USP46: variants seen among roughly 807,000 people sequenced by gnomAD.
USP46 encodes the protein ubiquitin specific peptidase 46.
Under a neutral mutation model 44.4 loss-of-function variants are expected in USP46, and 12 were observed. The observed-to-expected ratio is 0.27, with a 90% CI of 0.17 to 0.44. USP46 has a LOEUF of 0.44. Ranked by LOEUF, USP46 falls within the 20% of genes least tolerant of loss-of-function variation. The pLI, the probability that USP46 is intolerant of heterozygous loss-of-function variation, is 1.00. For missense variants in USP46, 248 were observed against 444.8 expected (o/e 0.56, Z 3.98); for synonymous variants, 155 against 161.5 (o/e 0.96, Z 0.31).
intron 6 of USP46, 71 bp from the exon 7 acceptor site, chr4:52,602,125 G>A: frequency 6.7e-7 from 1 of 1,495,230 alleles, no homozygotes; most frequent in Non-Finnish European, 9.0e-7. Context: ...ACTGTCATCT[G>A]CACAAACAGA....
At chr4:52,620,501 G>A (rs1717336380) in intron 4 of USP46, among the ~76,000 whole-genome samples, 1 of 152,152 alleles carries the variant, frequency 6.6e-6, no homozygotes, top group Non-Finnish European at 1.5e-5. Context: ...GAAAGGCAGG[G>A]CTCTCACTGT....
chr4:52,629,303 A>T (rs1717716307), intron 2 of USP46, among the ~76,000 whole-genome samples: 1 of 152,240 alleles, frequency 6.6e-6, no homozygotes, highest in Non-Finnish European at 1.5e-5. Flanking sequence ...TTGTACAGAG[A>T]AGCTGGAACT....
rs577819163 is a variant in USP46 at position 52,592,054 on chromosome 4, C to G, written c.*5586G>C. The G allele has an allele frequency of 1.3e-5, 2 of 152,290 alleles. No homozygotes were observed. The highest frequency in any genetic ancestry group is 3.9e-4 in the East Asian group (2 of 5,194). 9.4% of individuals were successfully genotyped at this position (152,290 alleles called of 1,614,324 possible). On this transcript the variant is annotated 3_prime_UTR_variant, in exon 9 of 9. Transcript: ENST00000441222. ...AAAAAGATGGTGTGGCTTCATCCAA[C>G]AGTGCCATCTGCATGTTGAGGCTGG... is the stretch of plus-strand genomic sequence containing the variant.
intron 1 of USP46, among the ~76,000 whole-genome samples, chr4:52,640,920 G>C (rs1001185842): frequency 6.6e-6 from 1 of 151,086 alleles, no homozygotes; most frequent in African/African-American, 2.4e-5. Context: ...AGCTGTATTT[G>C]GCCATTTTTT....
At chr4:52,609,545 C>T (rs955658362) in intron 5 of USP46, among the ~76,000 whole-genome samples, 1 of 152,158 alleles carries the variant, frequency 6.6e-6, no homozygotes, top group Non-Finnish European at 1.5e-5. Context: ...CGTCCTTCTC[C>T]CATCACGGAA....
chr4:52,621,287 T>C (rs1717366144), intron 4 of USP46, among the ~76,000 whole-genome samples: 1 of 152,098 alleles, frequency 6.6e-6, no homozygotes, highest in Admixed American at 6.6e-5. Flanking sequence ...GATCTCACAA[T>C]CCAACAATGT....
In USP46 at chr4:52,646,397, T is replaced by C. The variant is rs1718551686; in HGVS notation, c.36+12718A>G. Among the ~76,000 whole-genome samples the C allele has an allele frequency of 2.0e-5, 3 of 152,256 alleles. No homozygotes were observed. The South Asian group carries it at 6.2e-4, about 32-fold the overall frequency. ...AAATGTAAAATATAAAATTCTGGGC[T>C]CTCTCCTCCCATCCTCAAATAGAGT... On this transcript the variant is annotated intron_variant, in intron 1 of 8. Coordinates refer to ENST00000441222, the MANE Select transcript of USP46 (RefSeq NM_022832.4).
intron 4 of USP46, among the ~76,000 whole-genome samples, chr4:52,612,428 C>A (rs924628371): frequency 2.0e-5 from 3 of 152,214 alleles, no homozygotes; most frequent in African/African-American, 7.2e-5. Context: ...CAGATACTCT[C>A]ATCAAGAGGT....
intron 4 of USP46, 72 bp downstream of exon 4, chr4:52,625,946 T>A: frequency 7.2e-7 from 1 of 1,386,986 alleles, no homozygotes; most frequent in Non-Finnish European, 1.0e-6. Context: ...TAATACGACA[T>A]TGCAATCACA....
At chr4:52,621,313 C>T (rs1390519002) in intron 4 of USP46, among the ~76,000 whole-genome samples, 1 of 152,016 alleles carries the variant, frequency 6.6e-6, no homozygotes, top group South Asian at 2.1e-4. Flanking sequence ...AAAGATAAAG[C>T]CCCAATTCAG....
intron 7 of USP46, 110 bp downstream of exon 7, chr4:52,601,747 T>C: frequency 8.6e-7 from 1 of 1,157,498 alleles, no homozygotes; most frequent in Non-Finnish European, 1.2e-6. Flanking sequence ...TTGGCAGAGA[T>C]CCCAAAACTA....
At chr4:52,633,673 A>T (rs992216555) in intron 1 of USP46, among the ~76,000 whole-genome samples, 1 of 152,206 alleles carries the variant, frequency 6.6e-6, no homozygotes, top group Non-Finnish European at 1.5e-5. Context: ...ATCTTTCTTT[A>T]TGATGTAGGA....
chr4:52,632,869 CAG>C (rs1247924933), intron 1 of USP46, among the ~76,000 whole-genome samples: 1 of 125,800 alleles, frequency 7.9e-6, no homozygotes, highest in Non-Finnish European at 1.7e-5. Flanking sequence ...GAAGACAAGA[CAG>C]AGAAAGAAAA....
chr4:52,639,702 G>T (rs1019460390), intron 1 of USP46, among the ~76,000 whole-genome samples: 2 of 151,846 alleles, frequency 1.3e-5, no homozygotes, highest in African/African-American at 4.8e-5. Context: ...AATGAAAAGT[G>T]AATTTTTTTT....
chr4:52,636,026 A>C (rs1201787920), intron 1 of USP46, among the ~76,000 whole-genome samples: 1 of 152,154 alleles, frequency 6.6e-6, no homozygotes, highest in Non-Finnish European at 1.5e-5. Flanking sequence ...AAAATACATG[A>C]CCTGACATGG....
At chr4:52,640,413 A>G (rs1355641231) in intron 1 of USP46, among the ~76,000 whole-genome samples, 1 of 152,210 alleles carries the variant, frequency 6.6e-6, no homozygotes, top group Admixed American at 6.5e-5. Flanking sequence ...AGTGGTCTTC[A>G]GCATCAGGGA....
At chr4:52,629,995 G>T (rs1717754861) in intron 2 of USP46, among the ~76,000 whole-genome samples, 1 of 152,168 alleles carries the variant, frequency 6.6e-6, no homozygotes, top group Non-Finnish European at 1.5e-5. Context: ...CTTTCCCAGT[G>T]GAAATTACTA....
At chr4:52,644,277 C>T (rs187711033) in intron 1 of USP46, among the ~76,000 whole-genome samples, 10 of 152,166 alleles carry the variant, frequency 6.6e-5, no homozygotes, top group Non-Finnish European at 1.0e-4. Context: ...TATTCCACAA[C>T]CCTGGCTCCT....
At chr4:52,609,107 T>A (rs1034545805) in intron 5 of USP46, among the ~76,000 whole-genome samples, 1 of 152,234 alleles carries the variant, frequency 6.6e-6, no homozygotes, top group Admixed American at 6.5e-5. Context: ...TAAGACACAG[T>A]ACTGAGGTTT....
Sources: allele counts gnomAD v4.1 joint callset (sites outside exome capture counted in the v4.1 genomes callset), GRCh38; gene constraint gnomAD v4.1.1; transcripts MANE v1.5; gene names NCBI Gene and HGNC (gene_info 2026-07-23, HGNC 2026-07-21).